Variants in PPP1R14B observed in about 807,000 individuals in gnomAD.
PPP1R14B encodes protein phosphatase 1 regulatory subunit 14B.
A neutral mutation model predicts 14.7 loss-of-function variants in PPP1R14B; 4 were observed. The ratio of observed to expected loss-of-function variants is 0.27; its 90% CI spans 0.13 to 0.62. The LOEUF (loss-of-function observed/expected upper bound fraction) is 0.62, where lower values mean the gene tolerates loss of function less well. PPP1R14B is among the 20% of genes least tolerant of loss of function. The probability of loss-of-function intolerance (pLI) is 0.85; values close to 1 mark genes in which losing one functional copy is unlikely to be tolerated. For missense variants in PPP1R14B, 138 were observed against 201.5 expected (o/e 0.68, Z 1.91); for synonymous variants, 76 against 87.3 (o/e 0.87, Z 0.72).
At position 64,245,047 on chromosome 11, in the gene PPP1R14B, G is replaced by A. The variant is rs970700906; in HGVS notation, c.343-85C>T. The A allele has an allele frequency of 1.1e-5, 17 of 1,482,322 alleles. No individual in the cohort carries two copies. In the Admixed American group the frequency reaches 3.0e-4, roughly 26 times the overall value. The allele number at this position is 1,482,322 out of a possible 1,614,324, so 91.8% of individuals were successfully genotyped here. A position where few individuals can be genotyped will look rare whatever the true frequency, so the allele number is the denominator to read the frequency against. On this transcript the variant is annotated intron_variant, in intron 2 of 3. Coordinates refer to ENST00000309318, the MANE Select transcript of PPP1R14B (RefSeq NM_138689.3). The stretch of plus-strand genomic sequence containing the variant: ...GCCTATACCCACTTCCAAGAGACTG[G>A]GGCCACCCTGAGGCACAGGAGATGC...
chr11:64,245,344 T>A, intron 1 of PPP1R14B, 57 bp from the exon 2 acceptor site: 1 of 1,483,724 alleles, frequency 6.7e-7, no homozygotes, highest in Non-Finnish European at 9.3e-7. Flanking sequence ...AGAGAGGGTG[T>A]GAGAGGGGCT....
intron 1 of PPP1R14B, 103 bp from the exon 2 acceptor site, chr11:64,245,390 A>C: frequency 1.1e-6 from 1 of 924,978 alleles, no homozygotes. Context: ...GGAGGAACCC[A>C]GCCCTCTGCC....
At position 64,245,210 on chromosome 11, in the gene PPP1R14B, C is replaced by T; in HGVS notation, c.336G>A (p.Arg112=). 1 of 1,613,480 alleles carries T rather than the reference C, an allele frequency of 6.2e-7. No homozygotes were observed. The highest frequency in any genetic ancestry group is 1.7e-5 in the Admixed American group (1 of 59,992). The change falls in exon 2 of 4, where the codon AGG becomes AGA. Residue 112 remains arginine, a synonymous_variant. Coordinates refer to ENST00000309318, the MANE Select transcript of PPP1R14B (RefSeq NM_138689.3). ...CGCCCCCCAGCCCCCTCACCTTGAC[C>T]CTGGCAGCCCGGGCATCGTCACTCT... ...DMESDDARAA[R]VKELLVDCYK... is the part of the protein sequence containing the mutation.
Position 64,244,580 on chromosome 11 carries a change from C to A in PPP1R14B, c.*174G>T, listed in dbSNP as rs935259513. ...CCATCAGTTTAATAACAATAAAAAACCCCAAAAGTGGAAAACTGAGGGGGC... is the reference window on the plus strand; with the variant it reads ...CCATCAGTTTAATAACAATAAAAAAACCCAAAAGTGGAAAACTGAGGGGGC... On this transcript the variant is annotated 3_prime_UTR_variant, in exon 4 of 4. Transcript: ENST00000309318. The A allele has an allele frequency of 2.1e-6, 3 of 1,398,350 alleles. No homozygotes were observed. Among genetic ancestry groups the A allele is most frequent in the African/African-American group, 1.5e-5 (1 of 68,828 alleles). 86.6% of individuals were successfully genotyped at this position (1,398,350 alleles called of 1,614,324 possible). A position where few individuals can be genotyped will look rare whatever the true frequency, so the allele number is the denominator to read the frequency against.
chr11:64,244,486 C>T lies in PPP1R14B; in HGVS notation c.*268G>A. 1 of 996,558 alleles carries T rather than the reference C, an allele frequency of 1.0e-6. No individual in the cohort carries two copies. Among genetic ancestry groups the T allele is most frequent in the Non-Finnish European group, 1.4e-6 (1 of 713,786 alleles). 61.7% of individuals were successfully genotyped at this position (996,558 alleles called of 1,614,324 possible). A position where few individuals can be genotyped will look rare whatever the true frequency, so the allele number is the denominator to read the frequency against. On this transcript the variant is annotated 3_prime_UTR_variant, in exon 4 of 4. Transcript: ENST00000309318. ...AGAGACCAGCCGAGCCTGTTAGCTG[C>T]ACCAAAGGCGTATCCTAGCTTTATT...
At chr11:64,246,276 G>T in intron 1 of PPP1R14B, 140 bp downstream of exon 1, 1 of 1,136,534 alleles carries the variant, frequency 8.8e-7, no homozygotes, top group Non-Finnish European at 1.3e-6. Context: ...ATATATTGGG[G>T]GCGGGAGTGC....
Position 64,244,720 on chromosome 11 carries a change from T to A in PPP1R14B, c.*34A>T, listed in dbSNP as rs373899207. ...CGAGGTTGGGGGGCAGCGATTGTCCTGTGGGAGCCACCGTTCTCCTGGGTC... is the reference window on the plus strand; with the variant it reads ...CGAGGTTGGGGGGCAGCGATTGTCCAGTGGGAGCCACCGTTCTCCTGGGTC... On this transcript the variant is annotated 3_prime_UTR_variant, in exon 4 of 4. Coordinates refer to ENST00000309318, the MANE Select transcript of PPP1R14B (RefSeq NM_138689.3). The A allele has an allele frequency of 7.9e-5, 127 of 1,609,836 alleles. No homozygotes were observed. Among genetic ancestry groups the A allele is most frequent in the Non-Finnish European group, 1.0e-4 (119 of 1,177,774 alleles).
At chr11:64,245,440 A>T (rs2030839231) in intron 1 of PPP1R14B, 153 bp from the exon 2 acceptor site, 1 of 541,708 alleles carries the variant, frequency 1.8e-6, no homozygotes, top group Non-Finnish European at 3.1e-6. Flanking sequence ...AGGAAAACAG[A>T]TCAGGCCCGT....
At position 64,244,502 on chromosome 11, in the gene PPP1R14B, T is replaced by C. The variant is rs2030787650; in HGVS notation, c.*252A>G. The C allele has an allele frequency of 1.7e-6, 2 of 1,146,730 alleles. No homozygotes were observed. Among genetic ancestry groups the C allele is most frequent in the East Asian group, 5.5e-5 (2 of 36,626 alleles). 71.0% of individuals were successfully genotyped at this position (1,146,730 alleles called of 1,614,324 possible). A position where few individuals can be genotyped will look rare whatever the true frequency, so the allele number is the denominator to read the frequency against. ...TGTTAGCTGCACCAAAGGCGTATCC[T>C]AGCTTTATTAAAGGGCCCGCGCCGC... On this transcript the variant is annotated 3_prime_UTR_variant, in exon 4 of 4. Transcript: ENST00000309318.
Position 64,246,687 on chromosome 11 carries a change from G to A in PPP1R14B, c.-14C>T. 5.4e-6 allele frequency: 6 copies of A among 1,104,642 alleles called. No individual in the cohort carries two copies. The highest frequency in any genetic ancestry group is 6.6e-6 in the Non-Finnish European group (6 of 906,626). The allele number at this position is 1,104,642 out of a possible 1,614,324, so 68.4% of individuals were successfully genotyped here. A position where few individuals can be genotyped will look rare whatever the true frequency, so the allele number is the denominator to read the frequency against. ...GCTGTCCGCCATGGCGGCCGCCGGG[G>A]CCACGTGCGAGCGTCGGGCCCCTCC... On this transcript the variant is annotated 5_prime_UTR_variant, in exon 1 of 4. Transcript: ENST00000309318.
At chr11:64,245,340 G>A (rs2030834961) in intron 1 of PPP1R14B, 53 bp from the exon 2 acceptor site, 2 of 1,495,742 alleles carry the variant, frequency 1.3e-6, no homozygotes, top group Non-Finnish European at 1.8e-6. Flanking sequence ...TTGGAGAGAG[G>A]GTGTGAGAGG....
At chr11:64,245,646 A>C (rs2135021173) in intron 1 of PPP1R14B, 1 of 219,760 alleles carries the variant, frequency 4.6e-6, no homozygotes, top group Non-Finnish European at 8.9e-6. Flanking sequence ...AGCTTATCAT[A>C]CCCCCCTCCC....
chr11:64,244,792 G>T lies in PPP1R14B; in HGVS notation c.406C>A (p.Arg136=). Residue 136 remains arginine (R), a synonymous_variant, in exon 4 of 4, where the codon CGG becomes AGG. Transcript: ENST00000309318. ...AFISGLLDKI[R]GMQKLSTPQK... ...GGTGTGCTCAGCTTCTGCATGCCCCGGATCTTGTCCAGCAGGCCAGAAATG... is the reference window on the plus strand; with the variant it reads ...GGTGTGCTCAGCTTCTGCATGCCCCTGATCTTGTCCAGCAGGCCAGAAATG... 1 of 1,614,078 alleles carries T rather than the reference G, an allele frequency of 6.2e-7. No homozygotes were observed. The highest frequency in any genetic ancestry group is 8.5e-7 in the Non-Finnish European group (1 of 1,180,006).
rs1037195169 is a variant in PPP1R14B at position 64,246,551 on chromosome 11, C to G, written c.123G>C (p.Pro41=). Residue 41 remains proline, a synonymous_variant, in exon 1 of 4, where the codon CCG becomes CCC. Transcript: ENST00000309318. ...QSPPGAAGEG[P]GGADDEGPVR... The stretch of plus-strand genomic sequence containing the variant: ...CTGGGCCCTCATCGTCCGCCCCGCC[C>G]GGGCCCTCTCCTGCGGCCCCGGGGG... The G allele has an allele frequency of 5.6e-6, 9 of 1,608,392 alleles. No individual in the cohort carries two copies. The highest frequency in any genetic ancestry group is 7.6e-6 in the Non-Finnish European group (9 of 1,178,682).
chr11:64,244,485 G>T lies in PPP1R14B; in HGVS notation c.*269C>A, dbSNP rs1014902758. On this transcript the variant is annotated 3_prime_UTR_variant, in exon 4 of 4. Transcript: ENST00000309318. ...AAGAGACCAGCCGAGCCTGTTAGCT[G>T]CACCAAAGGCGTATCCTAGCTTTAT... The T allele has an allele frequency of 7.3e-5, 72 of 981,032 alleles. No individual in the cohort carries two copies. In the African/African-American group the frequency reaches 1.2e-3, roughly 16 times the overall value. 60.8% of individuals were successfully genotyped at this position (981,032 alleles called of 1,614,324 possible).
chr11:64,245,410 G>T, intron 1 of PPP1R14B, 123 bp from the exon 2 acceptor site: 1 of 750,858 alleles, frequency 1.3e-6, no homozygotes, highest in Non-Finnish European at 2.2e-6. Context: ...CCAGCAGACA[G>T]AACAGCAGCT....
chr11:64,246,363 G>A (rs2030878041), intron 1 of PPP1R14B, 53 bp downstream of exon 1: 3 of 1,559,730 alleles, frequency 1.9e-6, no homozygotes, highest in Non-Finnish European at 2.6e-6. Flanking sequence ...GGAGCTGCCA[G>A]GCGGACCGGC....
chr11:64,245,009 G>T, intron 2 of PPP1R14B, 47 bp from the exon 3 acceptor site: 3 of 1,570,918 alleles, frequency 1.9e-6, no homozygotes, highest in Non-Finnish European at 2.6e-6. Flanking sequence ...TCAGGAGTGG[G>T]GGCCTGGAGC....
Position 64,246,805 on chromosome 11 carries a change from G to C in PPP1R14B, c.-132C>G, listed in dbSNP as rs973253866. The stretch of plus-strand genomic sequence containing the variant: ...CTCCGCGGCGAGGGCGGCGGCGGGG[G>C]CGCCCGGGGGCAGCTGCAGCATGCG... On this transcript the variant is annotated 5_prime_UTR_variant, in exon 1 of 4. Coordinates refer to ENST00000309318, the MANE Select transcript of PPP1R14B (RefSeq NM_138689.3). The C allele has an allele frequency of 4.1e-6, 3 of 736,570 alleles. No homozygotes were observed. Among genetic ancestry groups the C allele is most frequent in the South Asian group, 6.1e-5 (1 of 16,490 alleles). 45.6% of individuals were successfully genotyped at this position (736,570 alleles called of 1,614,324 possible).
Sources: allele counts gnomAD v4.1 joint callset, GRCh38; gene constraint gnomAD v4.1.1; transcripts MANE v1.5; gene names NCBI Gene and HGNC (gene_info 2026-07-23, HGNC 2026-07-21).